Variants in PRDM16 observed in about 807,000 individuals in gnomAD.
The protein encoded by PRDM16 is histone-lysine N-methyltransferase PRDM16.
PRDM16 carries 23 observed loss-of-function variants against 110.6 expected under a neutral mutation model. The ratio of observed to expected loss-of-function variants is 0.21; its 90% CI spans 0.15 to 0.29. The LOEUF is 0.29. Ranked by LOEUF, PRDM16 falls within the 10% of genes least tolerant of loss-of-function variation. The probability of loss-of-function intolerance (pLI) is 1.00; values close to 1 mark genes in which losing one functional copy is unlikely to be tolerated. For synonymous variants in PRDM16, 799 were observed against 781.8 expected, an observed-to-expected ratio of 1.02 and a Z score of -0.37; for missense variants, 1,615 against 1,794.3, an observed-to-expected ratio of 0.90 and a Z score of 1.81.
chr1:3,085,498 G>C (rs1021012144), intron 1 of PRDM16, among the ~76,000 whole-genome samples: 1 of 152,198 alleles, frequency 6.6e-6, no homozygotes, highest in Admixed American at 6.5e-5. Context: ...ACAAGGGAAG[G>C]CTTTGGCTCA....
chr1:3,357,060 A>C (rs1345505832), intron 3 of PRDM16, among the ~76,000 whole-genome samples: 1 of 152,164 alleles, frequency 6.6e-6, no homozygotes, highest in Non-Finnish European at 1.5e-5. Context: ...AGTTGCTGCC[A>C]TCCTCAGGCG....
intron 3 of PRDM16, among the ~76,000 whole-genome samples, chr1:3,312,377 C>G (rs917509144): frequency 6.6e-6 from 1 of 152,204 alleles, no homozygotes; most frequent in Non-Finnish European, 1.5e-5. Flanking sequence ...GGGACAGGCA[C>G]GGGTGTGGTG....
At chr1:3,316,196 G>A (rs1010290411) in intron 3 of PRDM16, among the ~76,000 whole-genome samples, 3 of 146,242 alleles carry the variant, frequency 2.1e-5, no homozygotes, top group Non-Finnish European at 3.0e-5. Context: ...CAAGTCCAGG[G>A]CCACAGCGGA....
chr1:3,126,009 G>A (rs988956562), intron 1 of PRDM16, among the ~76,000 whole-genome samples: 1 of 152,256 alleles, frequency 6.6e-6, no homozygotes, highest in Non-Finnish European at 1.5e-5. Flanking sequence ...GTGAAACCTT[G>A]TAGAGAGCCC....
At chr1:3,117,090 G>A (rs139649493) in intron 1 of PRDM16, among the ~76,000 whole-genome samples, 67 of 152,320 alleles carry the variant, frequency 4.4e-4, no homozygotes, top group African/African-American at 1.4e-3. Flanking sequence ...GGCTCCTATC[G>A]GGGGCTGCTT....
intron 1 of PRDM16, among the ~76,000 whole-genome samples, chr1:3,118,106 TGTGTGTGCGTGTGC>T (rs919685660): frequency 5.6e-4 from 84 of 150,952 alleles, no homozygotes; most frequent in African/African-American, 1.7e-3. Flanking sequence ...TACATGCATG[TGTGTGTGCGTGTGC>T]GTGTGTGCGT....
intron 1 of PRDM16, among the ~76,000 whole-genome samples, chr1:3,128,730 T>C (rs2100678017): frequency 6.6e-6 from 1 of 152,006 alleles, no homozygotes; most frequent in African/African-American, 2.4e-5. Context: ...CCCGGGTCGG[T>C]GGCTGTTTTC....
chr1:3,228,239 A>T (rs1639336522), intron 2 of PRDM16, among the ~76,000 whole-genome samples: 1 of 152,192 alleles, frequency 6.6e-6, no homozygotes. Flanking sequence ...CGAGGATGGG[A>T]TGCACTTGCG....
chr1:3,118,076 T>C (rs1226244110), intron 1 of PRDM16, among the ~76,000 whole-genome samples: 3 of 150,716 alleles, frequency 2.0e-5, no homozygotes, highest in Non-Finnish European at 4.4e-5. Flanking sequence ...CATGTGTGTG[T>C]GCGTGCATGT....
At chr1:3,164,185 G>A (rs1219086758) in intron 1 of PRDM16, among the ~76,000 whole-genome samples, 1 of 152,246 alleles carries the variant, frequency 6.6e-6, no homozygotes. Flanking sequence ...TAAGTATAAA[G>A]CGTGAGAAAC....
chr1:3,363,439 G>C (rs777383432), intron 3 of PRDM16, among the ~76,000 whole-genome samples: 7 of 152,162 alleles, frequency 4.6e-5, no homozygotes, highest in Non-Finnish European at 8.8e-5. Flanking sequence ...CTGGATGCTC[G>C]GGGCCGAGGG....
intron 1 of PRDM16, among the ~76,000 whole-genome samples, chr1:3,153,191 C>T (rs1433592527): frequency 6.6e-6 from 1 of 152,240 alleles, no homozygotes; most frequent in Non-Finnish European, 1.5e-5. Context: ...GGATCTGCAG[C>T]CCTCCTCACC....
chr1:3,145,256 C>T (rs557900326), intron 1 of PRDM16, among the ~76,000 whole-genome samples: 44 of 152,256 alleles, frequency 2.9e-4, no homozygotes, highest in South Asian at 1.7e-3. Context: ...AGGGTGCATG[C>T]GGCACGGTGT....
At chr1:3,352,323 G>A (rs961546079) in intron 3 of PRDM16, among the ~76,000 whole-genome samples, 1 of 152,062 alleles carries the variant, frequency 6.6e-6, no homozygotes, top group Non-Finnish European at 1.5e-5. Flanking sequence ...GACTTCCCAC[G>A]GCAGAGTTGT....
At chr1:3,093,889 G>T (rs1189072612) in intron 1 of PRDM16, among the ~76,000 whole-genome samples, 5 of 152,220 alleles carry the variant, frequency 3.3e-5, no homozygotes, top group African/African-American at 1.2e-4. Flanking sequence ...CATCCCACTC[G>T]GGCGGAGAGC....
chr1:3,363,130 C>A (rs1642746740), intron 3 of PRDM16, among the ~76,000 whole-genome samples: 1 of 152,154 alleles, frequency 6.6e-6, no homozygotes, highest in African/African-American at 2.4e-5. Context: ...CCTGGGGAGA[C>A]CAGAGGCAGA....
chr1:3,123,578 G>A (rs1557464592), intron 1 of PRDM16, among the ~76,000 whole-genome samples: 1 of 152,236 alleles, frequency 6.6e-6, no homozygotes, highest in Non-Finnish European at 1.5e-5. Context: ...GGGGCCCAGA[G>A]TCTTCTCCAG....
At chr1:3,414,024 G>A (rs541745953) in intron 9 of PRDM16, among the ~76,000 whole-genome samples, 2 of 152,288 alleles carry the variant, frequency 1.3e-5, no homozygotes, top group Admixed American at 6.5e-5. Flanking sequence ...CAGCACACAC[G>A]GGCAGCACAC....
In PRDM16 at chr1:3,114,201, A is replaced by ACG. The variant is rs761637919; in HGVS notation, c.37+44907_37+44908dup. Among the ~76,000 whole-genome samples the ACG allele has an allele frequency of 9.0e-4, 111 of 123,722 alleles. 3 individuals are homozygous for ACG. In the South Asian group the frequency reaches 0.021, roughly 23 times the overall value. The allele number at this position is 123,722 out of a possible 152,430, so 81.2% of individuals were successfully genotyped here. A position where few individuals can be genotyped will look rare whatever the true frequency, so the allele number is the denominator to read the frequency against. On this transcript the variant is annotated intron_variant, in intron 1 of 16. Transcript: ENST00000270722. ...CACACACACGCACACACGCACACGC[A>ACG]CGCACACACGCACACGAACACACAC... is the stretch of plus-strand genomic sequence containing the variant.
Sources: gnomAD v4.1 joint callset for allele counts (sites outside exome capture counted in the v4.1 genomes callset) on GRCh38, gnomAD v4.1.1 for gene constraint, MANE v1.5 for transcripts, NCBI Gene and HGNC (gene_info 2026-07-23, HGNC 2026-07-21) for gene names.